UNC5B: variants seen among roughly 807,000 people sequenced by gnomAD.
The protein encoded by UNC5B is unc-5 netrin receptor B.
A neutral mutation model predicts 103.7 loss-of-function variants in UNC5B; 56 were observed. The observed-to-expected ratio is 0.54, with a 90% CI of 0.44 to 0.67. UNC5B has a LOEUF of 0.67. Among genes scored for constraint, UNC5B ranks in the 30% least tolerant of loss-of-function variants. The pLI, the probability that UNC5B is intolerant of heterozygous loss-of-function variation, is 0.00. For missense variants in UNC5B, 1,194 were observed against 1,284.5 expected (o/e 0.93, Z 1.08); for synonymous variants, 577 against 542.0 (o/e 1.06, Z -0.90).
intron 13 of UNC5B, among the ~76,000 whole-genome samples, chr10:71,295,570 T>C (rs182073921): frequency 2.2e-4 from 33 of 152,384 alleles, no homozygotes. Flanking sequence ...CATCTGTCCA[T>C]TTATTAGTCC....
Position 71,286,675 on chromosome 10 carries a change from C to A in UNC5B, c.553-14C>A, listed in dbSNP as rs1487345998. 6.2e-7 allele frequency: 1 copy of A among 1,613,732 alleles called. No homozygotes were observed. The highest frequency in any genetic ancestry group is 1.3e-5 in the African/African-American group (1 of 74,926). On this transcript the variant is annotated splice_polypyrimidine_tract_variant and intron_variant, in intron 4 of 16. Coordinates refer to ENST00000335350, the MANE Select transcript of UNC5B (RefSeq NM_170744.5). Reference sequence around the variant, plus strand: ...TCCTGGGCCCTCACTGCCCCCTCACCCCCACTCTTGCAGGTGGAATGGCTC... The same window carrying A: ...TCCTGGGCCCTCACTGCCCCCTCACACCCACTCTTGCAGGTGGAATGGCTC...
chr10:71,275,968 G>T (rs963464145), intron 1 of UNC5B, among the ~76,000 whole-genome samples: 1 of 152,072 alleles, frequency 6.6e-6, no homozygotes, highest in Non-Finnish European at 1.5e-5. Flanking sequence ...AGTGGTGTCC[G>T]CTTGGATTCC....
intron 1 of UNC5B, among the ~76,000 whole-genome samples, chr10:71,277,749 A>T (rs1844806313): frequency 6.6e-6 from 1 of 152,252 alleles, no homozygotes; most frequent in South Asian, 2.1e-4. Context: ...GGCCTCAGGA[A>T]TCTGCCTTGC....
intron 1 of UNC5B, among the ~76,000 whole-genome samples, chr10:71,246,593 G>A (rs998380854): frequency 6.6e-6 from 1 of 152,160 alleles, no homozygotes; most frequent in Non-Finnish European, 1.5e-5. Context: ...AGGGAGGGAA[G>A]TGAGGGAGGG....
At chr10:71,225,603 T>G (rs1843545543) in intron 1 of UNC5B, among the ~76,000 whole-genome samples, 1 of 152,170 alleles carries the variant, frequency 6.6e-6, no homozygotes, top group African/African-American at 2.4e-5. Flanking sequence ...CACCAGAAGT[T>G]ACATAATCCC....
At chr10:71,238,463 C>G (rs548356736) in intron 1 of UNC5B, among the ~76,000 whole-genome samples, 1 of 152,148 alleles carries the variant, frequency 6.6e-6, no homozygotes, top group Non-Finnish European at 1.5e-5. Flanking sequence ...TCTGAGGCCT[C>G]GACTCCATGC....
intron 1 of UNC5B, among the ~76,000 whole-genome samples, chr10:71,232,398 C>T (rs1298319127): frequency 6.6e-6 from 1 of 152,218 alleles, no homozygotes; most frequent in South Asian, 2.1e-4. Flanking sequence ...GGAGGAGAGC[C>T]GATTGCAGAG....
rs1235517502 is a variant in UNC5B, at chr10:71,247,500, C to T, written c.80-32321C>T. Among the ~76,000 whole-genome samples the T allele has an allele frequency of 4.6e-5, 7 of 152,218 alleles. No homozygotes were observed. The East Asian group carries it at 5.8e-4, about 13-fold the overall frequency. Reference sequence around the variant, plus strand: ...GTTTCTTTCTTGCCCACTGAGGCCTCGCTGTTGGACAGGCTCCCAGACGTT... The same window carrying T: ...GTTTCTTTCTTGCCCACTGAGGCCTTGCTGTTGGACAGGCTCCCAGACGTT... On this transcript the variant is annotated intron_variant, in intron 1 of 16. Transcript: ENST00000335350.
intron 1 of UNC5B, among the ~76,000 whole-genome samples, chr10:71,265,437 T>A (rs1159330953): frequency 6.6e-6 from 1 of 152,116 alleles, no homozygotes; most frequent in Non-Finnish European, 1.5e-5. Context: ...TAGCAGGGGC[T>A]CCCTGTCTTC....
chr10:71,295,244 C>T lies in UNC5B; in HGVS notation c.2176-567C>T, dbSNP rs116232099. On this transcript the variant is annotated intron_variant, in intron 13 of 16. Coordinates refer to ENST00000335350, the MANE Select transcript of UNC5B (RefSeq NM_170744.5). ...GCAGCTGGATCTCTTGGTCCTGGGG[C>T]GTTGGCTAATGGCCAGCTTTGGCCA... is the stretch of plus-strand genomic sequence containing the variant. Among the ~76,000 whole-genome samples, 564 of 152,300 alleles carry T rather than the reference C, an allele frequency of 3.7e-3. 5 individuals are homozygous for T. The highest frequency in any genetic ancestry group is 0.013 in the African/African-American group (542 of 41,550).
At chr10:71,296,101 AC>A in intron 14 of UNC5B, 141 bp downstream of exon 14, 3 of 1,240,010 alleles carry the variant, frequency 2.4e-6, no homozygotes, top group East Asian at 2.6e-5. Context: ...GTCTCCTCCC[AC>A]CCCAGTCTCT....
intron 1 of UNC5B, among the ~76,000 whole-genome samples, chr10:71,260,002 G>A (rs2394784): frequency 0.42 from 63,728 of 152,006 alleles, 13,909 homozygotes; most frequent in Middle Eastern, 0.48. Context: ...GCCTCTAGGG[G>A]ACAAACAAGC....
intron 1 of UNC5B, among the ~76,000 whole-genome samples, chr10:71,270,739 C>G (rs1263490894): frequency 1.3e-5 from 2 of 152,150 alleles, no homozygotes; most frequent in East Asian, 3.9e-4. Context: ...CACCAGGCAT[C>G]CTCCCAGATG....
intron 13 of UNC5B, among the ~76,000 whole-genome samples, chr10:71,295,453 C>A (rs1845382492): frequency 6.6e-6 from 1 of 152,186 alleles, no homozygotes; most frequent in Non-Finnish European, 1.5e-5. Context: ...GCTCGTCTAT[C>A]CATTCATTTA....
intron 3 of UNC5B, among the ~76,000 whole-genome samples, 182 bp from the exon 4 acceptor site, chr10:71,285,144 T>A (rs772205649): frequency 6.6e-6 from 1 of 152,246 alleles, no homozygotes; most frequent in Non-Finnish European, 1.5e-5. Context: ...GGGAACCCTG[T>A]TCCCCCAAGT....
intron 1 of UNC5B, among the ~76,000 whole-genome samples, chr10:71,234,338 C>T (rs1843735778): frequency 6.6e-6 from 1 of 152,198 alleles, no homozygotes; most frequent in Admixed American, 6.5e-5. Flanking sequence ...AGGCCTGGCC[C>T]AGAGAAGTCC....
At chr10:71,233,806 C>T (rs1843726048) in intron 1 of UNC5B, among the ~76,000 whole-genome samples, 1 of 152,228 alleles carries the variant, frequency 6.6e-6, no homozygotes, top group African/African-American at 2.4e-5. Flanking sequence ...TTTGTCAGGA[C>T]CCTTGCTGGC....
intron 1 of UNC5B, among the ~76,000 whole-genome samples, chr10:71,276,206 A>G (rs1166565693): frequency 1.3e-5 from 2 of 152,036 alleles, no homozygotes; most frequent in Non-Finnish European, 2.9e-5. Context: ...GGCACTAAAA[A>G]TCAAAACGTT....
In UNC5B at chr10:71,213,212, C is replaced by G. The variant is rs1359708267; in HGVS notation, c.79+148C>G. The G allele has an allele frequency of 1.5e-5, 9 of 585,290 alleles. No individual in the cohort carries two copies. Among genetic ancestry groups the G allele is most frequent in the Admixed American group, 1.3e-4 (3 of 22,862 alleles). 36.3% of individuals were successfully genotyped at this position (585,290 alleles called of 1,614,324 possible). ...TTAGAATGTAGATTTTACTGCCTCC[C>G]AAAGTGGGCAATGGCGCATCCACAT... On this transcript the variant is annotated intron_variant, in intron 1 of 16. Coordinates refer to ENST00000335350, the MANE Select transcript of UNC5B (RefSeq NM_170744.5). This position sits in a 1 kb window ranked among gnomAD's most constrained non-coding sequence, Gnocchi z 4.1.
Sources: gnomAD v4.1 joint callset for allele counts (sites outside exome capture counted in the v4.1 genomes callset) on GRCh38, gnomAD v4.1.1 for gene constraint, Gnocchi (gnomAD v3.1) non-coding constraint, MANE v1.5 for transcripts, NCBI Gene and HGNC (gene_info 2026-07-23, HGNC 2026-07-21) for gene names.